The following PDK1 variants were observed in gnomAD, a reference collection of about 807,000 sequenced individuals.
The protein encoded by PDK1 is pyruvate dehydrogenase kinase 1.
In PDK1, 39 loss-of-function variants were observed where a neutral mutation model predicts 54.2. The observed-to-expected ratio is 0.72, with a 90% CI of 0.56 to 0.94. The LOEUF (loss-of-function observed/expected upper bound fraction) is 0.94. Ranked by LOEUF, PDK1 falls within the 40% of genes least tolerant of loss-of-function variation. The pLI, the probability that PDK1 is intolerant of heterozygous loss-of-function variation, is 0.00. For missense variants in PDK1, 552 were observed against 566.0 expected (o/e 0.98, Z 0.25); for synonymous variants, 221 against 207.1 (o/e 1.07, Z -0.58).
chr2:172,556,298 G>A lies in PDK1; in HGVS notation c.148G>A (p.Ala50Thr). The change falls in exon 1 of 11, where the codon GCG becomes ACG. Residue 50 changes from alanine (A) to threonine (T), a missense_variant. Coordinates refer to ENST00000282077, the MANE Select transcript of PDK1 (RefSeq NM_002610.5). ...CGTTCCGGGCCAGGTGGACTTCTAC[G>A]CGCGCTTCTCGCCGTCCCCGCTCTC... ...RGVPGQVDFY[A>T]RFSPSPLSMK... is the part of the protein sequence containing the mutation. 1.3e-6 allele frequency: 2 copies of A among 1,509,902 alleles called. No individual in the cohort carries two copies. The highest frequency in any genetic ancestry group is 1.3e-5 in the South Asian group (1 of 79,284). 93.5% of individuals were successfully genotyped at this position (1,509,902 alleles called of 1,614,324 possible). A position where few individuals can be genotyped will look rare whatever the true frequency, so the allele number is the denominator to read the frequency against.
At chr2:172,569,763 T>C (rs1689146519) in intron 7 of PDK1, among the ~76,000 whole-genome samples, 1 of 152,198 alleles carries the variant, frequency 6.6e-6, no homozygotes, top group Non-Finnish European at 1.5e-5. Context: ...ACCCAGGCTG[T>C]CCTTGAACTC....
chr2:172,585,300 A>AGT (rs921755316), intron 8 of PDK1, among the ~76,000 whole-genome samples: 18 of 147,832 alleles, frequency 1.2e-4, no homozygotes, highest in Non-Finnish European at 2.4e-4. Context: ...TGCCCAGCCT[A>AGT]GTACATGCAT....
the PDK1 span, among the ~76,000 whole-genome samples, chr2:172,680,411 G>C: frequency 1.3e-5 from 2 of 152,220 alleles, no homozygotes; most frequent in East Asian, 3.9e-4. Context: ...GAGTGCAGTA[G>C]CGTGATCATA....
chr2:172,655,914 T>A, the PDK1 span, among the ~76,000 whole-genome samples: 2 of 152,248 alleles, frequency 1.3e-5, no homozygotes, highest in African/African-American at 4.8e-5. Context: ...GAAGTGACTT[T>A]GGCTTGTTTT....
At chr2:172,663,411 A>G in the PDK1 span, among the ~76,000 whole-genome samples, 1 of 152,206 alleles carries the variant, frequency 6.6e-6, no homozygotes, top group Non-Finnish European at 1.5e-5. Context: ...AGTTGTGCAG[A>G]TTGCCATGTG....
chr2:172,566,875 G>T lies in PDK1; in HGVS notation c.711G>T (p.Arg237Ser). 1 of 1,609,948 alleles carries T rather than the reference G, an allele frequency of 6.2e-7. No individual in the cohort carries two copies. The highest frequency in any genetic ancestry group is 8.5e-7 in the Non-Finnish European group (1 of 1,177,022). Reference sequence around the variant, plus strand: ...CACTAGATGGCTATGAAAATGCTAGGCGTCTGTGTGATTTGTATTATATTA... The same window carrying T: ...CACTAGATGGCTATGAAAATGCTAGTCGTCTGTGTGATTTGTATTATATTA... The part of the protein sequence containing the change: ...EVIKDGYENA[R>S]RLCDLYYINS... Residue 237 changes from arginine (R) to serine (S), a missense_variant, in exon 6 of 11, where the codon AGG becomes AGT. Physicochemically the swap from Arg to Ser is moderately radical, Grantham distance 110. Coordinates refer to ENST00000282077, the MANE Select transcript of PDK1 (RefSeq NM_002610.5).
At chr2:172,621,717 TTATATGTTTATATCTCATATATGTCA>T in the PDK1 span, among the ~76,000 whole-genome samples, 15 of 137,670 alleles carry the variant, frequency 1.1e-4, no homozygotes, top group South Asian at 4.4e-4. Context: ...ATCAAACATG[TTATATGTTTATATCTCATATATGTCA>T]TATATGTTTA....
At chr2:172,715,747 A>T in the PDK1 span, among the ~76,000 whole-genome samples, 178 of 152,332 alleles carry the variant, frequency 1.2e-3, no homozygotes, top group African/African-American at 4.1e-3. Flanking sequence ...TTACATGTGA[A>T]CTGCCTCCCA....
At chr2:172,712,662 A>G in the PDK1 span, among the ~76,000 whole-genome samples, 1 of 152,212 alleles carries the variant, frequency 6.6e-6, no homozygotes, top group Non-Finnish European at 1.5e-5. Flanking sequence ...TGGAGATACC[A>G]GGAACCACAG....
the PDK1 span, among the ~76,000 whole-genome samples, chr2:172,634,980 A>T: frequency 6.6e-6 from 1 of 152,160 alleles, no homozygotes; most frequent in Non-Finnish European, 1.5e-5. Context: ...ATTGTTTAAA[A>T]TACTCCCTGC....
intron 8 of PDK1, among the ~76,000 whole-genome samples, chr2:172,577,718 T>C (rs2149252698): frequency 6.6e-6 from 1 of 152,248 alleles, no homozygotes; most frequent in East Asian, 1.9e-4. Flanking sequence ...AAATAGGCCT[T>C]TTCCCCTCCC....
the PDK1 span, among the ~76,000 whole-genome samples, chr2:172,685,805 A>G: frequency 6.6e-6 from 1 of 151,994 alleles, no homozygotes; most frequent in Non-Finnish European, 1.5e-5. Context: ...ATTCCATACC[A>G]CCTCATTCGA....
intron 3 of PDK1, among the ~76,000 whole-genome samples, chr2:172,562,990 A>G (rs979396031): frequency 4.6e-5 from 7 of 152,220 alleles, no homozygotes; most frequent in Non-Finnish European, 1.0e-4. Context: ...TTTTTTAAAC[A>G]TGATTTTAAT....
rs199761306 is a variant in PDK1 at position 172,595,922 on chromosome 2, G to A, written c.1264G>A (p.Val422Ile). Residue 422 changes from valine to isoleucine, a missense_variant, in exon 11 of 11, where the codon GTC becomes ATC. By Grantham distance (29) the Val-to-Ile change is conservative (BLOSUM62 3). Coordinates refer to ENST00000282077, the MANE Select transcript of PDK1 (RefSeq NM_002610.5). ...NTNHEADDWC[V>I]PSREPKDMTT... ...CAACCACGAGGCTGATGACTGGTGC[G>A]TCCCCAGCAGAGAACCCAAAGACAT... The A allele has an allele frequency of 4.7e-5, 76 of 1,613,514 alleles. 1 individual carries two copies. The South Asian group carries it at 7.0e-4, about 15-fold the overall frequency.
chr2:172,607,093 A>G lies in PDK1; in HGVS notation c.*11124A>G, dbSNP rs1197108242. 1 of 152,188 alleles carries G rather than the reference A, an allele frequency of 6.6e-6. No homozygotes were observed. The highest frequency in any genetic ancestry group is 1.9e-4 in the East Asian group (1 of 5,200). 9.4% of individuals were successfully genotyped at this position (152,188 alleles called of 1,614,324 possible). A position where few individuals can be genotyped will look rare whatever the true frequency, so the allele number is the denominator to read the frequency against. On this transcript the variant is annotated 3_prime_UTR_variant, in exon 11 of 11. Transcript: ENST00000282077. ...AAGGAATGTTTTAAACCAGCCAAAG[A>G]CTAACATCAACATGCTTACATTTTG...
chr2:172,668,945 A>AGT, the PDK1 span, among the ~76,000 whole-genome samples: 1 of 147,300 alleles, frequency 6.8e-6, no homozygotes. Flanking sequence ...AGAGAAAGAG[A>AGT]GAGAGACGGA....
the PDK1 span, chr2:172,691,250 C>T: frequency 6.7e-6 from 1 of 150,312 alleles, no homozygotes; most frequent in Admixed American, 6.8e-5. Flanking sequence ...GGGGTACATT[C>T]GTTACAATTG....
chr2:172,585,877 G>A (rs796093412), intron 8 of PDK1, among the ~76,000 whole-genome samples: 66 of 152,176 alleles, frequency 4.3e-4, no homozygotes, highest in African/African-American at 1.5e-3. Flanking sequence ...TTCAAAAGCA[G>A]CACTCAGGCT....
intron 8 of PDK1, among the ~76,000 whole-genome samples, chr2:172,578,168 T>A (rs1689677432): frequency 6.6e-6 from 1 of 152,212 alleles, no homozygotes; most frequent in African/African-American, 2.4e-5. Context: ...CCAGCCTCCA[T>A]GGTTTGGATG....
Sources: allele counts gnomAD v4.1 joint callset (sites outside exome capture counted in the v4.1 genomes callset), GRCh38; gene constraint gnomAD v4.1.1; transcripts MANE v1.5; gene names NCBI Gene and HGNC (gene_info 2026-07-23, HGNC 2026-07-21).